Variants in MORN3 observed in about 807,000 individuals in gnomAD.
MORN3 encodes the protein MORN repeat-containing protein 3.
MORN3 carries 38 observed loss-of-function variants against 34.7 expected under a neutral mutation model. The ratio of observed to expected loss-of-function variants is 1.10; its 90% CI spans 0.85 to 1.44. The LOEUF is 1.44. Among genes scored for constraint, MORN3 ranks in the 40% most tolerant of loss-of-function variants. The pLI, the probability that MORN3 is intolerant of heterozygous loss-of-function variation, is 0.00. For missense variants in MORN3, 311 were observed against 321.7 expected (o/e 0.97, Z 0.25); for synonymous variants, 109 against 115.3 (o/e 0.95, Z 0.35).
At chr12:121,669,829 T>TATAG (rs1893897303), upstream of MORN3, among the ~76,000 whole-genome samples, 1 of 118,278 alleles carries the variant, frequency 8.5e-6, no homozygotes, top group Non-Finnish European at 1.7e-5. Context: ...TATATATATA[T>TATAG]ATATTTTTTT....
chr12:121,669,521 G>C lies in MORN3; in HGVS notation c.-38C>G, dbSNP rs1478603588. 1.2e-6 allele frequency: 2 copies of C among 1,610,226 alleles called. No individual in the cohort carries two copies. The highest frequency in any genetic ancestry group is 1.7e-6 in the Non-Finnish European group (2 of 1,177,736). On this transcript the variant is annotated 5_prime_UTR_variant, in exon 1 of 6. Coordinates refer to ENST00000355329, the MANE Select transcript of MORN3 (RefSeq NM_173855.5). ...TGCAAGGCTGGAGGGTGCTGGAAAG[G>C]GGTTAGGGACATCTGGGGCTCAGCG...
intron 1 of MORN3, among the ~76,000 whole-genome samples, chr12:121,666,128 G>A (rs1188224031): frequency 6.6e-6 from 1 of 151,992 alleles, no homozygotes; most frequent in Non-Finnish European, 1.5e-5. Context: ...TCAGGAATTC[G>A]AAACCAGCCT....
chr12:121,669,411 C>T lies in MORN3; in HGVS notation c.73G>A (p.Gly25Ser), dbSNP rs749150906. Residue 25 changes from glycine to serine, a missense_variant, in exon 1 of 6, where the codon GGC becomes AGC. Transcript: ENST00000355329. ...ACAGCGTATACCTGGCTCCGCAGGC[C>T]GTTCCTCTGGGCCTTCCGGTCCCAC... ...KGWDRKAQRN[G>S]LRSQVYAVNG... 2.0e-5 allele frequency: 33 copies of T among 1,614,032 alleles called. 1 individual carries two copies. The highest frequency in any genetic ancestry group is 1.5e-4 in the Admixed American group (9 of 60,006).
In MORN3 at chr12:121,653,121, A is replaced by G. The variant is rs1555325277; in HGVS notation, c.602T>C (p.Phe201Ser). The G allele has an allele frequency of 1.9e-6, 3 of 1,614,062 alleles. No individual in the cohort carries two copies. Among genetic ancestry groups the G allele is most frequent in the Admixed American group, 1.7e-5 (1 of 59,988 alleles). ...NMAKCGTMID[F>S]GRDEAPEPTQ... ...GGGCTCAGGGGCCTCGTCACGGCCA[A>G]AGTCGATCATCGTCCCGCATTTGGC... The change falls in exon 4 of 6, where the codon TTT becomes TCT. Residue 201 changes from phenylalanine to serine, a missense_variant. Physicochemically the swap from Phe to Ser is radical, Grantham distance 155 (BLOSUM62 -2). Coordinates refer to ENST00000355329, the MANE Select transcript of MORN3 (RefSeq NM_173855.5).
At position 121,659,356 on chromosome 12, in the gene MORN3, C is replaced by T. The variant is rs1893512538; in HGVS notation, c.146-8G>A. ...AGACCTGTGTTCCTTTCCCTGGTGA[C>T]ACACAGATGGGCAATGCTGCAGACA... On this transcript the variant is annotated splice_polypyrimidine_tract_variant and splice_region_variant and intron_variant, in intron 1 of 5. Transcript: ENST00000355329. 1 of 1,613,406 alleles carries T rather than the reference C, an allele frequency of 6.2e-7. No individual in the cohort carries two copies. The highest frequency in any genetic ancestry group is 1.3e-5 in the African/African-American group (1 of 74,828).
At position 121,651,393 on chromosome 12, in the gene MORN3, C is replaced by T. The variant is rs1414689866; in HGVS notation, c.*258G>A. 1 of 152,172 alleles carries T rather than the reference C, an allele frequency of 6.6e-6. No individual in the cohort carries two copies. Among genetic ancestry groups the T allele is most frequent in the Non-Finnish European group, 1.5e-5 (1 of 68,072 alleles). The allele number at this position is 152,172 out of a possible 1,614,324, so 9.4% of individuals were successfully genotyped here. A position where few individuals can be genotyped will look rare whatever the true frequency, so the allele number is the denominator to read the frequency against. On this transcript the variant is annotated 3_prime_UTR_variant, in exon 6 of 6. Transcript: ENST00000355329. ...TTATCCCATAGGCCCAGGCTTATACCACTTGGTTATTCTTTATTCTCATGC... is the reference window on the plus strand; with the variant it reads ...TTATCCCATAGGCCCAGGCTTATACTACTTGGTTATTCTTTATTCTCATGC...
In MORN3 at chr12:121,659,201, T is replaced by C. The variant is rs1326637637; in HGVS notation, c.293A>G (p.Asp98Gly). The C allele has an allele frequency of 1.9e-6, 3 of 1,612,688 alleles. No homozygotes were observed. The highest frequency in any genetic ancestry group is 3.3e-5 in the Admixed American group (2 of 59,900). Reference protein sequence around the residue: ...RRVYSGWWKGDKKSGYGIQFF... With the variant: ...RRVYSGWWKGGKKSGYGIQFF... ...GGCAGGCCTGCTCACCGATTTCTTA[T>C]CACCTTTCCACCAGCCTGAGTAGAC... Residue 98 changes from aspartate (D) to glycine (G), a missense_variant, in exon 2 of 6, where the codon GAT (aspartate) becomes GGT (glycine). Transcript: ENST00000355329.
intron 1 of MORN3, among the ~76,000 whole-genome samples, chr12:121,665,262 G>A (rs1416764496): frequency 3.0e-5 from 3 of 99,758 alleles, no homozygotes; most frequent in South Asian, 7.6e-4. Flanking sequence ...AAGATCTCGC[G>A]TTTTCTTTTT....
intron 3 of MORN3, 132 bp downstream of exon 3, chr12:121,654,142 A>T: frequency 1.5e-6 from 1 of 687,464 alleles, no homozygotes; most frequent in Non-Finnish European, 2.3e-6. Flanking sequence ...CTCTTGTCCC[A>T]CATTGACACA....
chr12:121,668,463 C>A (rs1893842304), intron 1 of MORN3, among the ~76,000 whole-genome samples: 1 of 152,158 alleles, frequency 6.6e-6, no homozygotes, highest in South Asian at 2.1e-4. Context: ...ATCGCCTGAA[C>A]TCGGGAGGTA....
Position 121,658,625 on chromosome 12 carries a change from C to T in MORN3, c.303+566G>A, listed in dbSNP as rs533464426. On this transcript the variant is annotated intron_variant, in intron 2 of 5. Transcript: ENST00000355329. The stretch of plus-strand genomic sequence containing the variant: ...TGTTTCAGGCTCACAGTAGCAGTTG[C>T]TCAGTTGCAATACTGTTTATTATTA... 5.5e-4 allele frequency among the ~76,000 whole-genome samples: 83 copies of T among 150,666 alleles called. 1 individual carries two copies. The highest frequency in any genetic ancestry group is 9.4e-4 in the Non-Finnish European group (64 of 67,748).
intron 3 of MORN3, among the ~76,000 whole-genome samples, chr12:121,653,474 G>A (rs1168714008): frequency 6.6e-6 from 1 of 151,470 alleles, no homozygotes; most frequent in African/African-American, 2.5e-5. Flanking sequence ...GCATAGTGGT[G>A]TGCACCTATA....
chr12:121,660,958 C>T (rs1036835423), intron 1 of MORN3, among the ~76,000 whole-genome samples: 20 of 152,010 alleles, frequency 1.3e-4, no homozygotes, highest in Admixed American at 3.9e-4. Flanking sequence ...CGTGAGCCAC[C>T]GCGCCTGGCC....
At chr12:121,659,429 C>A in intron 1 of MORN3, 81 bp from the exon 2 acceptor site, 1 of 1,503,460 alleles carries the variant, frequency 6.7e-7, no homozygotes. Flanking sequence ...CCTCAGGGGC[C>A]CCCAACTAGA....
intron 1 of MORN3, among the ~76,000 whole-genome samples, chr12:121,664,870 C>CAAA (rs148847502): frequency 1.5e-5 from 1 of 65,376 alleles, no homozygotes. Context: ...TAGCCCCTAC[C>CAAA]AAAAAAAAAA....
chr12:121,662,551 C>T (rs1292016947), intron 1 of MORN3, among the ~76,000 whole-genome samples: 2 of 151,928 alleles, frequency 1.3e-5, no homozygotes, highest in South Asian at 2.1e-4. Flanking sequence ...GTCAGGAGAT[C>T]GAGACCATCC....
Position 121,649,810 on chromosome 12 carries a change from G to A in MORN3, c.*1841C>T, listed in dbSNP as rs553970155. On this transcript the variant is annotated 3_prime_UTR_variant, in exon 6 of 6. Coordinates refer to ENST00000355329, the MANE Select transcript of MORN3 (RefSeq NM_173855.5). ...TGCAACCTCTGCCACCCAGGTTCAAGCAATTCTCCTGCCTCAGCCTCCCAA... is the reference window on the plus strand; with the variant it reads ...TGCAACCTCTGCCACCCAGGTTCAAACAATTCTCCTGCCTCAGCCTCCCAA... 6.8e-6 allele frequency: 1 copy of A among 148,016 alleles called. No homozygotes were observed. Among genetic ancestry groups the A allele is most frequent in the South Asian group, 2.2e-4 (1 of 4,648 alleles). 9.2% of individuals were successfully genotyped at this position (148,016 alleles called of 1,614,324 possible). A position where few individuals can be genotyped will look rare whatever the true frequency, so the allele number is the denominator to read the frequency against.
intron 2 of MORN3, among the ~76,000 whole-genome samples, chr12:121,657,786 G>C (rs1321259306): frequency 6.6e-6 from 1 of 152,030 alleles, no homozygotes; most frequent in Non-Finnish European, 1.5e-5. Flanking sequence ...AGAATCGCTT[G>C]AACCCAGGAG....
At chr12:121,668,839 C>T (rs7137329) in intron 1 of MORN3, among the ~76,000 whole-genome samples, 1,712 of 152,238 alleles carry the variant, frequency 0.011, 37 homozygotes, top group African/African-American at 0.038. Context: ...TAGTTTGTAT[C>T]AACAGGACCC....
Sources: gnomAD v4.1 joint callset for allele counts (sites outside exome capture counted in the v4.1 genomes callset) on GRCh38, gnomAD v4.1.1 for gene constraint, MANE v1.5 for transcripts, NCBI Gene and HGNC (gene_info 2026-07-23, HGNC 2026-07-21) for gene names.